The following PCDH15 variants were observed in gnomAD, a reference collection of about 807,000 sequenced individuals.
The protein encoded by PCDH15 is protocadherin-15.
In PCDH15, 129 loss-of-function variants were observed where a neutral mutation model predicts 178.5. The observed-to-expected ratio is 0.72, with a 90% confidence interval of 0.63 to 0.84. The LOEUF is 0.84. Ranked by LOEUF, PCDH15 falls within the 40% of genes least tolerant of loss-of-function variation. The pLI is 0.00. For missense variants in PCDH15, 2,230 were observed against 2,099.9 expected (o/e 1.06, Z -1.21); for synonymous variants, 800 against 732.0 (o/e 1.09, Z -1.50).
rs764494096 is a variant in PCDH15, at chr10:53,823,361, T to TGAAA, written c.4368-3135_4368-3132dup. On this transcript the variant is annotated intron_variant, in intron 32 of 37. Coordinates refer to ENST00000644397, the MANE Select transcript of PCDH15 (RefSeq NM_001384140.1). ...GAAAATGGTAGAGAAGGAAAAGACT[T>TGAAA]GAAAGAAAAGAAGATAATGAAATGT... 7 of 1,611,270 alleles carry TGAAA rather than the reference T, an allele frequency of 4.3e-6. No homozygotes were observed. The African/African-American group carries it at 9.4e-5, about 22-fold the overall frequency.
At chr10:54,696,727 AT>A (rs1192485983) in intron 1 of PCDH15, among the ~76,000 whole-genome samples, 3 of 151,970 alleles carry the variant, frequency 2.0e-5, no homozygotes, top group Non-Finnish European at 4.4e-5. Flanking sequence ...TCCACCCTAA[AT>A]TTCTACTTCG....
intron 2 of PCDH15, among the ~76,000 whole-genome samples, chr10:54,979,882 C>T (rs1221469937): frequency 6.6e-6 from 1 of 151,752 alleles, no homozygotes; most frequent in Non-Finnish European, 1.5e-5. Flanking sequence ...TAATGCAATA[C>T]TTGTCTAAGA....
intron 8 of PCDH15, among the ~76,000 whole-genome samples, chr10:54,274,943 A>C (rs989587611): frequency 2.6e-5 from 4 of 152,048 alleles, no homozygotes; most frequent in African/African-American, 9.7e-5. Context: ...ATAAGGAACA[A>C]GACAAATAAT....
intron 8 of PCDH15, among the ~76,000 whole-genome samples, chr10:54,310,297 A>G (rs986372511): frequency 1.3e-5 from 2 of 152,054 alleles, no homozygotes; most frequent in Non-Finnish European, 2.9e-5. Context: ...AACAAAAACA[A>G]CTTTGGCTTT....
chr10:54,474,740 G>A (rs1479922061), intron 3 of PCDH15, among the ~76,000 whole-genome samples: 1 of 151,926 alleles, frequency 6.6e-6, no homozygotes, highest in Non-Finnish European at 1.5e-5. Context: ...AGCTACAAAT[G>A]TCACATGACT....
At chr10:55,382,538 T>G (rs890127686) in intron 2 of PCDH15, among the ~76,000 whole-genome samples, 4 of 152,204 alleles carry the variant, frequency 2.6e-5, no homozygotes, top group Non-Finnish European at 5.9e-5. Context: ...TATTCTCAGC[T>G]AGAGTACAAA....
chr10:54,182,971 T>C (rs10082371), intron 13 of PCDH15, among the ~76,000 whole-genome samples: 2 of 146,512 alleles, frequency 1.4e-5, no homozygotes, highest in Non-Finnish European at 1.5e-5. Context: ...TTGTTTTTGG[T>C]TTTTTGTTTT....
At chr10:54,426,078 A>G (rs1956237098) in intron 3 of PCDH15, among the ~76,000 whole-genome samples, 1 of 152,164 alleles carries the variant, frequency 6.6e-6, no homozygotes, top group Non-Finnish European at 1.5e-5. Flanking sequence ...ACAGCTATCT[A>G]ATGATTTCCT....
intron 2 of PCDH15, among the ~76,000 whole-genome samples, chr10:55,081,720 G>A (rs1564781920): frequency 6.6e-6 from 1 of 152,186 alleles, no homozygotes; most frequent in Non-Finnish European, 1.5e-5. Flanking sequence ...ATATGCTTGA[G>A]CCTTGATCTC....
intron 3 of PCDH15, among the ~76,000 whole-genome samples, chr10:54,513,636 G>T (rs979912106): frequency 6.6e-5 from 10 of 151,958 alleles, no homozygotes; most frequent in African/African-American, 2.4e-4. Context: ...TACATGCAAG[G>T]TGAATTTTGA....
At chr10:54,686,487 T>C (rs1234860924) in intron 1 of PCDH15, among the ~76,000 whole-genome samples, 6 of 152,160 alleles carry the variant, frequency 3.9e-5, no homozygotes, top group Admixed American at 3.9e-4. Context: ...AAATCATTGC[T>C]GAGACGAACA....
intron 21 of PCDH15, chr10:53,995,206 C>A: frequency 5.9e-6 from 1 of 168,932 alleles, no homozygotes; most frequent in East Asian, 1.6e-4. Flanking sequence ...TAACTATTTT[C>A]TGTAAGCAAT....
intron 1 of PCDH15, among the ~76,000 whole-genome samples, 151 bp downstream of exon 1, chr10:54,800,774 C>T (rs1952590942): frequency 6.6e-6 from 1 of 152,118 alleles, no homozygotes; most frequent in Admixed American, 6.6e-5. Context: ...TAATCACTTG[C>T]AATCATTACT....
At chr10:55,164,567 T>G (rs899673486) in intron 2 of PCDH15, among the ~76,000 whole-genome samples, 49 of 151,984 alleles carry the variant, frequency 3.2e-4, no homozygotes, top group African/African-American at 9.4e-4. Context: ...TTGAGGATAT[T>G]TCTGCAAAAT....
At chr10:53,938,715 T>C in intron 25 of PCDH15, 100 bp downstream of exon 25, 1 of 1,265,382 alleles carries the variant, frequency 7.9e-7, no homozygotes. Context: ...TCTTTCTATG[T>C]TGTCCACTGA....
At chr10:54,026,109 C>G (rs912070097) in intron 18 of PCDH15, among the ~76,000 whole-genome samples, 2 of 150,748 alleles carry the variant, frequency 1.3e-5, no homozygotes, top group African/African-American at 4.9e-5. Context: ...TGCTCTGTCA[C>G]CCATGCTGGT....
At chr10:54,110,318 T>TA (rs35932845) in intron 15 of PCDH15, among the ~76,000 whole-genome samples, 43,712 of 135,534 alleles carry the variant, frequency 0.32, 7,643 homozygotes, top group East Asian at 0.85. Flanking sequence ...GTGGAAAGAT[T>TA]AAAAAAAAAA....
chr10:54,739,717 C>T (rs941876011), intron 1 of PCDH15, among the ~76,000 whole-genome samples: 1 of 151,744 alleles, frequency 6.6e-6, no homozygotes, highest in Non-Finnish European at 1.5e-5. Flanking sequence ...AATAGAGAAC[C>T]CAGAAATAAA....
intron 25 of PCDH15, among the ~76,000 whole-genome samples, chr10:53,927,041 A>G (rs889262946): frequency 9.9e-5 from 15 of 152,184 alleles, no homozygotes; most frequent in Non-Finnish European, 1.5e-5. Flanking sequence ...AAAAAAACAG[A>G]ATCATATTAG....
Sources: allele counts gnomAD v4.1 joint callset (sites outside exome capture counted in the v4.1 genomes callset), GRCh38; gene constraint gnomAD v4.1.1; transcripts MANE v1.5; gene names NCBI Gene and HGNC (gene_info 2026-07-23, HGNC 2026-07-21).